Variants in MTCL3 observed in about 807,000 individuals in gnomAD.
MTCL3 encodes microtubule cross-linking factor 3.
At chr6:127,515,982 C>T in the MTCL3 span, 2 of 1,591,912 alleles carry the variant, frequency 1.3e-6, no homozygotes, top group Admixed American at 1.7e-5. This position sits in a 1 kb window ranked among gnomAD's most constrained non-coding sequence, Gnocchi z 4.3. Context: ...AGGCCCCCTC[C>T]CCGCCGCTGC....
At chr6:127,504,567 G>A in the MTCL3 span, among the ~76,000 whole-genome samples, 2 of 152,122 alleles carry the variant, frequency 1.3e-5, no homozygotes, top group African/African-American at 4.8e-5. Flanking sequence ...GGGAGTGGTG[G>A]AGAATAGTGT....
the MTCL3 span, among the ~76,000 whole-genome samples, chr6:127,484,041 G>GA: frequency 7.2e-5 from 11 of 152,094 alleles, no homozygotes; most frequent in Non-Finnish European, 1.6e-4. Context: ...GGCAGGTGGT[G>GA]AAAAAAATAC....
At chr6:127,478,514 T>C in the MTCL3 span, among the ~76,000 whole-genome samples, 3 of 152,222 alleles carry the variant, frequency 2.0e-5, no homozygotes, top group Non-Finnish European at 4.4e-5. Context: ...TTAAGAATGC[T>C]GTCTGTGAGG....
the MTCL3 span, chr6:127,516,316 C>A: frequency 6.3e-7 from 1 of 1,589,486 alleles, no homozygotes; most frequent in Non-Finnish European, 8.5e-7. Flanking sequence ...CTCGGCCCCA[C>A]CTCCGCCTCC....
the MTCL3 span, among the ~76,000 whole-genome samples, chr6:127,497,538 T>G: frequency 6.6e-6 from 1 of 152,230 alleles, no homozygotes; most frequent in Non-Finnish European, 1.5e-5. Flanking sequence ...TCAGAGTCAG[T>G]GTACCTGAGT....
chr6:127,510,293 T>G, the MTCL3 span, among the ~76,000 whole-genome samples: 1 of 152,330 alleles, frequency 6.6e-6, no homozygotes. Context: ...CCCACACTGC[T>G]TGGTGCTGGA....
the MTCL3 span, among the ~76,000 whole-genome samples, chr6:127,504,940 T>C: frequency 6.6e-6 from 1 of 152,326 alleles, no homozygotes; most frequent in African/African-American, 2.4e-5. Context: ...GATTTCATTC[T>C]TAGAATCATA....
At chr6:127,480,960 A>C in the MTCL3 span, among the ~76,000 whole-genome samples, 1 of 152,206 alleles carries the variant, frequency 6.6e-6, no homozygotes, top group Non-Finnish European at 1.5e-5. Context: ...CAAATGCTAC[A>C]GTATACTTAT....
chr6:127,499,751 C>A, the MTCL3 span, among the ~76,000 whole-genome samples: 1 of 152,184 alleles, frequency 6.6e-6, no homozygotes, highest in African/African-American at 2.4e-5. Context: ...GCAAACTTTA[C>A]CCAGGCTTTC....
the MTCL3 span, among the ~76,000 whole-genome samples, chr6:127,477,759 C>A: frequency 1.7e-4 from 26 of 152,114 alleles, no homozygotes; most frequent in Non-Finnish European, 3.8e-4. Context: ...AGAGCCTGAA[C>A]ATTACATTCC....
chr6:127,512,229 G>A, the MTCL3 span, among the ~76,000 whole-genome samples: 1 of 152,020 alleles, frequency 6.6e-6, no homozygotes, highest in Non-Finnish European at 1.5e-5. Flanking sequence ...TGACATGAAG[G>A]AGAACTTTAC....
the MTCL3 span, among the ~76,000 whole-genome samples, chr6:127,486,995 G>A: frequency 6.6e-6 from 1 of 152,102 alleles, no homozygotes; most frequent in Admixed American, 6.5e-5. Context: ...ATTAAATCAA[G>A]AAGGAAACTA....
chr6:127,512,812 A>G, the MTCL3 span: 3 of 1,356,764 alleles, frequency 2.2e-6, no homozygotes, highest in East Asian at 2.4e-5. Context: ...GAAATTTTTT[A>G]ACAGTCATAT....
chr6:127,516,275 C>CG, the MTCL3 span: 1 of 1,500,092 alleles, frequency 6.7e-7, no homozygotes, highest in Non-Finnish European at 8.8e-7. Context: ...GCTCCCGGAG[C>CG]GGCCCCTTTG....
chr6:127,476,155 C>T, the MTCL3 span: 1 of 1,614,172 alleles, frequency 6.2e-7, no homozygotes, highest in Non-Finnish European at 8.5e-7. The surrounding 1 kb of genome is among the most constrained non-coding windows in gnomAD (Gnocchi z 4.4). Context: ...GAAGTCATCG[C>T]CCCTAAGGTC....
chr6:127,502,068 A>G, the MTCL3 span, among the ~76,000 whole-genome samples: 1 of 152,214 alleles, frequency 6.6e-6, no homozygotes, highest in Non-Finnish European at 1.5e-5. Flanking sequence ...CAGCAATCTT[A>G]TCTTTCTAAA....
At chr6:127,516,053 G>A in the MTCL3 span, 48 of 1,543,442 alleles carry the variant, frequency 3.1e-5, no homozygotes, top group South Asian at 3.9e-4. Flanking sequence ...GGCGGCTGCG[G>A]AGCGCCCCCC....
chr6:127,487,709 C>T, the MTCL3 span, among the ~76,000 whole-genome samples: 11 of 152,290 alleles, frequency 7.2e-5, no homozygotes, highest in South Asian at 2.1e-3. Context: ...AAGGCATGAT[C>T]TTAAGGTCCA....
chr6:127,516,318 T>C, the MTCL3 span: 2 of 1,590,822 alleles, frequency 1.3e-6, no homozygotes, highest in Non-Finnish European at 1.7e-6. Flanking sequence ...CGGCCCCACC[T>C]CCGCCTCCTC....
Sources: allele counts gnomAD v4.1 joint callset (sites outside exome capture counted in the v4.1 genomes callset), GRCh38; gene constraint gnomAD v4.1.1; non-coding constraint Gnocchi (gnomAD v3.1); transcripts MANE v1.5; gene names NCBI Gene and HGNC (gene_info 2026-07-23, HGNC 2026-07-21).